Variants in PTPRK observed in about 807,000 individuals in gnomAD.
The protein encoded by PTPRK is protein tyrosine phosphatase receptor type K, also known as receptor-type tyrosine-protein phosphatase kappa.
A neutral mutation model predicts 178.0 loss-of-function variants in PTPRK; 75 were observed. The ratio of observed to expected loss-of-function variants is 0.42; its 90% CI spans 0.35 to 0.51. The LOEUF is 0.51. Ranked by LOEUF, PTPRK falls within the 20% of genes least tolerant of loss-of-function variation. The probability of loss-of-function intolerance (pLI) is 0.02; values close to 1 mark genes in which losing one functional copy is unlikely to be tolerated. For missense variants in PTPRK, 1,441 were observed against 1,797.8 expected, an observed-to-expected ratio of 0.80 and a Z score of 3.59; for synonymous variants, 637 against 620.6, an observed-to-expected ratio of 1.03 and a Z score of -0.39.
intron 7 of PTPRK, among the ~76,000 whole-genome samples, chr6:128,184,123 A>G (rs1802375533): frequency 6.6e-6 from 1 of 152,174 alleles, no homozygotes; most frequent in Admixed American, 6.6e-5. Context: ...TTTTCTCTCA[A>G]TAATGCTTTC....
At chr6:128,384,981 A>G (rs1838486489) in intron 2 of PTPRK, among the ~76,000 whole-genome samples, 1 of 150,914 alleles carries the variant, frequency 6.6e-6, no homozygotes, top group African/African-American at 2.4e-5. Flanking sequence ...GGTTTTGATG[A>G]TTAAAAACAA....
intron 3 of PTPRK, among the ~76,000 whole-genome samples, chr6:128,288,534 T>C (rs1243415767): frequency 6.6e-6 from 1 of 152,150 alleles, no homozygotes; most frequent in East Asian, 1.9e-4. Flanking sequence ...GAGTGTGGAA[T>C]ACATGAAACA....
Position 128,184,412 on chromosome 6 carries a change from G to A in PTPRK, c.1162+20C>T, listed in dbSNP as rs190492881. ...CTAGATTCCTTCACAAGGTAGAAAA[G>A]GTCTGCTACTCAGTCTTACCTGCAC... On this transcript the variant is annotated intron_variant, in intron 7 of 29. Coordinates refer to ENST00000368226, the MANE Select transcript of PTPRK (RefSeq NM_002844.4). The A allele has an allele frequency of 1.1e-5, 17 of 1,608,496 alleles. No individual in the cohort carries two copies. The highest frequency in any genetic ancestry group is 1.4e-5 in the Non-Finnish European group (17 of 1,176,604).
intron 2 of PTPRK, among the ~76,000 whole-genome samples, chr6:128,350,008 C>G (rs1439434660): frequency 6.6e-6 from 1 of 152,060 alleles, no homozygotes; most frequent in African/African-American, 2.4e-5. Context: ...GGGCAATCCA[C>G]CCACTAGTTT....
chr6:128,147,532 C>A (rs1447986422), intron 7 of PTPRK, among the ~76,000 whole-genome samples: 2 of 151,916 alleles, frequency 1.3e-5, no homozygotes, highest in Non-Finnish European at 2.9e-5. Context: ...GAAAAAAAAT[C>A]ATTAAAAATA....
intron 1 of PTPRK, among the ~76,000 whole-genome samples, chr6:128,473,108 T>G (rs1254658344): frequency 6.6e-6 from 1 of 152,090 alleles, no homozygotes; most frequent in East Asian, 1.9e-4. Flanking sequence ...TGCATGGCAT[T>G]TAGTTTCAAC....
chr6:128,463,741 GTTTTTTTTTTT>G (rs896710320), intron 1 of PTPRK, among the ~76,000 whole-genome samples: 2 of 96,882 alleles, frequency 2.1e-5, no homozygotes. Flanking sequence ...AATCTTCACG[GTTTTTTTTTTT>G]TTTTTTTTTT....
chr6:128,516,861 A>AT (rs963350804), intron 1 of PTPRK, among the ~76,000 whole-genome samples: 3 of 151,886 alleles, frequency 2.0e-5, no homozygotes, highest in Non-Finnish European at 4.4e-5. Context: ...GACTAAAAAT[A>AT]TTTTTTTCTG....
At chr6:128,006,745 A>T (rs1364027937) in intron 14 of PTPRK, among the ~76,000 whole-genome samples, 1 of 151,050 alleles carries the variant, frequency 6.6e-6, no homozygotes, top group East Asian at 1.9e-4. Flanking sequence ...CAATGAAAAA[A>T]TGGCATACAT....
chr6:128,519,192 T>A lies in PTPRK; in HGVS notation c.100+1067A>T, dbSNP rs1858583604. 6.5e-6 allele frequency: 3 copies of A among 460,866 alleles called. No individual in the cohort carries two copies. Among genetic ancestry groups the A allele is most frequent in the Non-Finnish European group, 8.9e-6 (2 of 223,544 alleles). 28.5% of individuals were successfully genotyped at this position (460,866 alleles called of 1,614,324 possible). A position where few individuals can be genotyped will look rare whatever the true frequency, so the allele number is the denominator to read the frequency against. ...TCAGGACTGGCGGGAGGTAGACAAG[T>A]GCTCGGGAGCCCGCTCCCCAGCGTC... On this transcript the variant is annotated intron_variant, in intron 1 of 29. Coordinates refer to ENST00000368226, the MANE Select transcript of PTPRK (RefSeq NM_002844.4). This position sits in a 1 kb window ranked among gnomAD's most constrained non-coding sequence, Gnocchi z 4.3.
chr6:128,153,999 G>A (rs539339956), intron 7 of PTPRK, among the ~76,000 whole-genome samples: 1 of 151,858 alleles, frequency 6.6e-6, no homozygotes, highest in African/African-American at 2.4e-5. Flanking sequence ...GGAAGCTTAG[G>A]AATTCAGAAG....
intron 1 of PTPRK, among the ~76,000 whole-genome samples, chr6:128,433,437 T>C (rs907112361): frequency 1.3e-5 from 2 of 152,196 alleles, no homozygotes; most frequent in South Asian, 4.1e-4. Flanking sequence ...CCATCCCTGC[T>C]GTTGCAAATG....
At chr6:128,103,191 G>C (rs1273759522) in intron 7 of PTPRK, among the ~76,000 whole-genome samples, 1 of 152,002 alleles carries the variant, frequency 6.6e-6, no homozygotes, top group Non-Finnish European at 1.5e-5. Context: ...CTGGAGAGGA[G>C]ATCAGCCGTG....
chr6:128,031,982 G>C (rs1404468674), intron 13 of PTPRK, among the ~76,000 whole-genome samples: 1 of 152,126 alleles, frequency 6.6e-6, no homozygotes, highest in Non-Finnish European at 1.5e-5. Flanking sequence ...AGTGTCACAG[G>C]CTTCAGTGGA....
chr6:128,429,952 G>A (rs961292), intron 1 of PTPRK, among the ~76,000 whole-genome samples: 8,521 of 152,224 alleles, frequency 0.056, 277 homozygotes, highest in Non-Finnish European at 0.068. Flanking sequence ...TATTAGGTAT[G>A]AAATTTTATT....
At chr6:128,505,128 G>A (rs751233997) in intron 1 of PTPRK, among the ~76,000 whole-genome samples, 33 of 144,398 alleles carry the variant, frequency 2.3e-4, no homozygotes, top group South Asian at 4.3e-4. Context: ...TTTTTGAGAC[G>A]GAGTCTCACT....
chr6:128,078,838 C>T lies in PTPRK; in HGVS notation c.1858G>A (p.Ala620Thr). The T allele has an allele frequency of 6.2e-7, 1 of 1,611,404 alleles. No individual in the cohort carries two copies. Among genetic ancestry groups the T allele is most frequent in the Admixed American group, 1.7e-5 (1 of 59,836 alleles). ...ATTITVLLRPAQAKGAPISAY... is the reference protein window; with the variant it reads ...ATTITVLLRPTQAKGAPISAY... ...CTGATAGGAGCACCTTTGGCTTGTGCTGGTCTCAACAATACAGTTATTGTG... is the reference window on the plus strand; with the variant it reads ...CTGATAGGAGCACCTTTGGCTTGTGTTGGTCTCAACAATACAGTTATTGTG... Residue 620 changes from alanine to threonine, a missense_variant, in exon 11 of 30, where the codon GCA becomes ACA. Ala to Thr is a moderately conservative substitution (Grantham distance 58). Transcript: ENST00000368226.
At chr6:128,388,744 T>C (rs1195023682) in intron 2 of PTPRK, among the ~76,000 whole-genome samples, 1 of 152,216 alleles carries the variant, frequency 6.6e-6, no homozygotes, top group Non-Finnish European at 1.5e-5. Flanking sequence ...TGTAAATACA[T>C]ATTCCAAAGG....
At chr6:128,274,860 C>A (rs1161021424) in intron 3 of PTPRK, among the ~76,000 whole-genome samples, 1 of 151,590 alleles carries the variant, frequency 6.6e-6, no homozygotes, top group East Asian at 1.9e-4. Context: ...CTCAGCTAAC[C>A]AAAAAAACAA....
Sources: gnomAD v4.1 joint callset for allele counts (sites outside exome capture counted in the v4.1 genomes callset) on GRCh38, gnomAD v4.1.1 for gene constraint, Gnocchi (gnomAD v3.1) non-coding constraint, MANE v1.5 for transcripts, NCBI Gene and HGNC (gene_info 2026-07-23, HGNC 2026-07-21) for gene names.